Variants in ACMSD observed in about 807,000 individuals in gnomAD.
The protein encoded by ACMSD is aminocarboxymuconate semialdehyde decarboxylase, also known as 2-amino-3-carboxymuconate-6-semialdehyde decarboxylase.
Under a neutral mutation model 45.9 loss-of-function variants are expected in ACMSD, and 37 were observed. The observed-to-expected ratio is 0.81, with a 90% confidence interval of 0.62 to 1.06. The LOEUF (loss-of-function observed/expected upper bound fraction) is 1.06, where lower values mean the gene tolerates loss of function less well. Among genes scored for constraint, ACMSD ranks in the 50% least tolerant of loss-of-function variants. The probability of loss-of-function intolerance (pLI) is 0.00; values close to 1 mark genes in which losing one functional copy is unlikely to be tolerated. For synonymous variants in ACMSD, 138 were observed against 148.8 expected, an observed-to-expected ratio of 0.93 and a Z score of 0.53; for missense variants, 434 against 420.9, an observed-to-expected ratio of 1.03 and a Z score of -0.27.
chr2:134,843,605 G>T (rs1686910027), intron 1 of ACMSD, among the ~76,000 whole-genome samples: 1 of 152,106 alleles, frequency 6.6e-6, no homozygotes, highest in African/African-American at 2.4e-5. Flanking sequence ...ACCACAGCAT[G>T]AGAACCAACT....
intron 8 of ACMSD, among the ~76,000 whole-genome samples, chr2:134,885,255 T>TA (rs1248835655): frequency 9.3e-6 from 1 of 106,958 alleles, no homozygotes; most frequent in African/African-American, 3.9e-5. Context: ...TATTTATATA[T>TA]AATATATATA....
intron 1 of ACMSD, among the ~76,000 whole-genome samples, chr2:134,843,390 A>AGT (rs1435943962): frequency 6.6e-6 from 1 of 152,174 alleles, no homozygotes; most frequent in African/African-American, 2.4e-5. Flanking sequence ...TCAAGAACAG[A>AGT]CCTTATACCT....
intron 8 of ACMSD, among the ~76,000 whole-genome samples, 170 bp from the exon 9 acceptor site, chr2:134,898,171 T>C (rs928236948): frequency 7.9e-5 from 12 of 151,978 alleles, no homozygotes; most frequent in Admixed American, 2.6e-4. Flanking sequence ...CAGAATAAAA[T>C]TTGAACCATT....
chr2:134,894,985 C>T lies in ACMSD; in HGVS notation c.850-3356C>T, dbSNP rs149603448. Among the ~76,000 whole-genome samples the T allele has an allele frequency of 2.5e-3, 382 of 152,174 alleles. 1 individual carries two copies. The highest frequency in any genetic ancestry group is 8.7e-3 in the African/African-American group (361 of 41,516). The stretch of plus-strand genomic sequence containing the variant: ...GAGGACACAATTCCATTTATAATAG[C>T]ATCAGCAAGAAAAACATTTGTGAAA... On this transcript the variant is annotated intron_variant, in intron 8 of 9. Coordinates refer to ENST00000356140, the MANE Select transcript of ACMSD (RefSeq NM_138326.3).
intron 8 of ACMSD, among the ~76,000 whole-genome samples, chr2:134,897,885 G>GTTTTTTT (rs539416140): frequency 7.5e-6 from 1 of 133,138 alleles, no homozygotes; most frequent in Non-Finnish European, 1.7e-5. Flanking sequence ...TTTTGTTTTT[G>GTTTTTTT]TTTTTTTTTT....
At chr2:134,876,318 A>G (rs867032869) in intron 8 of ACMSD, among the ~76,000 whole-genome samples, 1 of 152,232 alleles carries the variant, frequency 6.6e-6, no homozygotes, top group African/African-American at 2.4e-5. Flanking sequence ...AAAATTTTTT[A>G]AACTTTTTGA....
intron 3 of ACMSD, among the ~76,000 whole-genome samples, chr2:134,860,178 G>A (rs1049342045): frequency 1.3e-5 from 2 of 152,154 alleles, no homozygotes; most frequent in South Asian, 2.1e-4. Flanking sequence ...CACAAGAATC[G>A]CTTGAACCCA....
intron 1 of ACMSD, among the ~76,000 whole-genome samples, chr2:134,840,166 G>GAAAAAAAAAAAAAA (rs1559034706): frequency 8.3e-5 from 1 of 12,048 alleles, no homozygotes; most frequent in African/African-American, 3.7e-4. Flanking sequence ...ACTATACCTA[G>GAAAAAAAAAAAAAA]CAAAAAAAAA....
intron 8 of ACMSD, among the ~76,000 whole-genome samples, chr2:134,879,732 AC>A (rs1688933571): frequency 6.6e-6 from 1 of 152,116 alleles, no homozygotes; most frequent in South Asian, 2.1e-4. Flanking sequence ...TAAACTCTCC[AC>A]CAGTTTTGTA....
At chr2:134,883,634 T>C (rs1407378955) in intron 8 of ACMSD, among the ~76,000 whole-genome samples, 2 of 152,076 alleles carry the variant, frequency 1.3e-5, no homozygotes, top group Non-Finnish European at 2.9e-5. Context: ...CCTGAGGAGC[T>C]GGGACACAGG....
chr2:134,863,028 C>T (rs1164085397), intron 4 of ACMSD: 1 of 984,576 alleles, frequency 1.0e-6, no homozygotes, highest in Admixed American at 6.2e-5. Flanking sequence ...GGCCTGGGGC[C>T]CTTGGCCAGG....
intron 2 of ACMSD, among the ~76,000 whole-genome samples, chr2:134,847,169 G>A (rs74737949): frequency 0.019 from 2,933 of 152,196 alleles, 107 homozygotes; most frequent in East Asian, 0.13. Context: ...CAAATTCTTC[G>A]GAGGGTCTTA....
At chr2:134,891,631 G>A (rs1205834620) in intron 8 of ACMSD, among the ~76,000 whole-genome samples, 2 of 152,036 alleles carry the variant, frequency 1.3e-5, no homozygotes, top group African/African-American at 2.4e-5. Flanking sequence ...CACTGTTGGT[G>A]GGAATGTAAA....
chr2:134,891,376 T>G (rs1689774459), intron 8 of ACMSD, among the ~76,000 whole-genome samples: 1 of 152,082 alleles, frequency 6.6e-6, no homozygotes, highest in African/African-American at 2.4e-5. Context: ...TCTCATTTAT[T>G]GAAAAAGGTG....
In ACMSD at chr2:134,852,208, T is replaced by C. The variant is rs145071343; in HGVS notation, c.102+6931T>C. ...TACAGGCCAGGTTAAGGAGTCTGGA[T>C]TTCACCTTCAGGGAAACGGGAATCC... On this transcript the variant is annotated intron_variant, in intron 2 of 9. Transcript: ENST00000356140. Among the ~76,000 whole-genome samples, 1,258 of 152,276 alleles carry C rather than the reference T, an allele frequency of 8.3e-3. 13 individuals are homozygous for C. Among genetic ancestry groups the C allele is most frequent in the African/African-American group, 0.027 (1,141 of 41,568 alleles).
chr2:134,858,002 C>T (rs1037127160), intron 2 of ACMSD: 7 of 151,842 alleles, frequency 4.6e-5, no homozygotes, highest in African/African-American at 1.7e-4. Flanking sequence ...AATAGAACTA[C>T]TATATGATCC....
intron 1 of ACMSD, among the ~76,000 whole-genome samples, chr2:134,841,354 A>G (rs1038022866): frequency 3.9e-5 from 6 of 152,186 alleles, no homozygotes; most frequent in Non-Finnish European, 8.8e-5. Context: ...CTGCTGGAAT[A>G]ACCTTGACCT....
chr2:134,854,798 T>C (rs1687501796), intron 2 of ACMSD, among the ~76,000 whole-genome samples: 1 of 147,050 alleles, frequency 6.8e-6, no homozygotes, highest in Admixed American at 6.9e-5. Flanking sequence ...GCATGACAAG[T>C]ATAATGATCC....
In ACMSD at chr2:134,871,124, T is replaced by A. The variant is rs147672307; in HGVS notation, c.676+64T>A. 655 of 1,384,952 alleles carry A rather than the reference T, an allele frequency of 4.7e-4. 4 individuals are homozygous for A. The African/African-American group carries it at 8.4e-3, about 18-fold the overall frequency. The allele number at this position is 1,384,952 out of a possible 1,614,324, so 85.8% of individuals were successfully genotyped here. A position where few individuals can be genotyped will look rare whatever the true frequency, so the allele number is the denominator to read the frequency against. ...AACAAAATCCCACAGATGGGGTGAC[T>A]GTAAGAAAACAGAAATTTATTTTCT... On this transcript the variant is annotated intron_variant, in intron 7 of 9. Coordinates refer to ENST00000356140, the MANE Select transcript of ACMSD (RefSeq NM_138326.3).
Sources: gnomAD v4.1 joint callset for allele counts (sites outside exome capture counted in the v4.1 genomes callset) on GRCh38, gnomAD v4.1.1 for gene constraint, MANE v1.5 for transcripts, NCBI Gene and HGNC (gene_info 2026-07-23, HGNC 2026-07-21) for gene names.